The following PPP1CC variants were observed in gnomAD, a reference collection of about 807,000 sequenced individuals.
PPP1CC encodes the protein protein phosphatase 1 catalytic subunit gamma, also known as serine/threonine-protein phosphatase PP1-gamma catalytic subunit.
PPP1CC carries 16 observed loss-of-function variants against 38.4 expected under a neutral mutation model. The ratio of observed to expected loss-of-function variants is 0.42; its 90% CI spans 0.28 to 0.63. The LOEUF is 0.63. Ranked by LOEUF, PPP1CC falls within the 30% of genes least tolerant of loss-of-function variation. The pLI, the probability that PPP1CC is intolerant of heterozygous loss-of-function variation, is 0.25. For missense variants in PPP1CC, 170 were observed against 391.3 expected, an observed-to-expected ratio of 0.43 and a Z score of 4.77; for synonymous variants, 158 against 136.0, an observed-to-expected ratio of 1.16 and a Z score of -1.13.
chr12:110,709,699 C>G, the PPP1CC span, among the ~76,000 whole-genome samples: 10 of 151,750 alleles, frequency 6.6e-5, no homozygotes, highest in African/African-American at 2.4e-4. Flanking sequence ...GCTGGGATTA[C>G]AGGTGCCTGG....
At position 110,742,759 on chromosome 12, in the gene PPP1CC, C is replaced by T. The variant is rs557165544; in HGVS notation, c.-52G>A. On this transcript the variant is annotated 5_prime_UTR_variant, in exon 1 of 7. Transcript: ENST00000335007. Reference sequence around the variant, plus strand: ...AGCGGCGCCGCCGCCGGCTCGCGCCCGGGACTCACACCTCCTTTCCCACGC... The same window carrying T: ...AGCGGCGCCGCCGCCGGCTCGCGCCTGGGACTCACACCTCCTTTCCCACGC... 72 of 1,340,102 alleles carry T rather than the reference C, an allele frequency of 5.4e-5. No homozygotes were observed. The South Asian group carries it at 1.1e-3, about 21-fold the overall frequency. The allele number at this position is 1,340,102 out of a possible 1,614,324, so 83.0% of individuals were successfully genotyped here.
intron 1 of PPP1CC, among the ~76,000 whole-genome samples, chr12:110,736,820 C>T (rs1254478576): frequency 2.0e-5 from 3 of 152,208 alleles, no homozygotes; most frequent in Middle Eastern, 3.4e-3. Context: ...AAAGTATTTT[C>T]CTTGCCACAT....
chr12:110,728,292 G>T (rs1030419527), intron 3 of PPP1CC, among the ~76,000 whole-genome samples: 1 of 151,734 alleles, frequency 6.6e-6, no homozygotes, highest in African/African-American at 2.4e-5. Context: ...CCAGCTACTC[G>T]GGAGGCTGAG....
downstream of PPP1CC, among the ~76,000 whole-genome samples, chr12:110,717,843 G>T (rs866367406): frequency 5.0e-4 from 76 of 152,216 alleles, no homozygotes; most frequent in African/African-American, 1.6e-3. Flanking sequence ...CCTTGTCTCC[G>T]TGTCTCAATT....
At position 110,721,057 on chromosome 12, in the gene PPP1CC, G is replaced by C. The variant is rs1566080758; in HGVS notation, c.*19C>G. 1 of 1,606,228 alleles carries C rather than the reference G, an allele frequency of 6.2e-7. No homozygotes were observed. Among genetic ancestry groups the C allele is most frequent in the Non-Finnish European group, 8.5e-7 (1 of 1,172,970 alleles). ...TACTCTATGTTACAAGTCCCGACTAGGCAGTGTCAAAACGACATCTATTTC... is the reference window on the plus strand; with the variant it reads ...TACTCTATGTTACAAGTCCCGACTACGCAGTGTCAAAACGACATCTATTTC... On this transcript the variant is annotated 3_prime_UTR_variant, in exon 7 of 7. Coordinates refer to ENST00000335007, the MANE Select transcript of PPP1CC (RefSeq NM_002710.4).
At chr12:110,728,760 T>C (rs991800936) in intron 3 of PPP1CC, among the ~76,000 whole-genome samples, 7 of 152,290 alleles carry the variant, frequency 4.6e-5, no homozygotes, top group East Asian at 3.9e-4. Flanking sequence ...CCAGAACCCA[T>C]AGAATTTTTG....
the PPP1CC span, among the ~76,000 whole-genome samples, chr12:110,714,360 C>T: frequency 2.0e-4 from 30 of 152,034 alleles, 2 homozygotes; most frequent in African/African-American, 7.0e-4. Context: ...CTAAGCCAAG[C>T]TAGTGAGTAA....
chr12:110,723,073 G>A (rs1169412701), intron 4 of PPP1CC, among the ~76,000 whole-genome samples: 1 of 152,236 alleles, frequency 6.6e-6, no homozygotes, highest in Non-Finnish European at 1.5e-5. Context: ...AGAAGATAAG[G>A]ATGCTCAGTG....
At chr12:110,718,230 G>A (rs188759169), downstream of PPP1CC, among the ~76,000 whole-genome samples, 252 of 152,218 alleles carry the variant, frequency 1.7e-3, 1 homozygote, top group Middle Eastern at 0.01. Flanking sequence ...ACATGGGCAG[G>A]CCTAGTTTGT....
intron 2 of PPP1CC, among the ~76,000 whole-genome samples, chr12:110,731,189 T>C (rs1387773037): frequency 6.7e-6 from 1 of 148,566 alleles, no homozygotes; most frequent in African/African-American, 2.5e-5. Flanking sequence ...CATACACACA[T>C]ACACACCACC....
At chr12:110,709,932 A>AAATAATAATAAT in the PPP1CC span, among the ~76,000 whole-genome samples, 202 of 142,052 alleles carry the variant, frequency 1.4e-3, no homozygotes, top group African/African-American at 3.9e-3. Flanking sequence ...AAAAACTCCA[A>AAATAATAATAAT]AATAATAATA....
intron 1 of PPP1CC, chr12:110,733,096 T>C (rs1272874436): frequency 6.6e-6 from 1 of 152,200 alleles, no homozygotes; most frequent in Non-Finnish European, 1.5e-5. Context: ...AAAATGTTTT[T>C]TTCGTAAGTA....
chr12:110,716,402 G>C (rs909233299), downstream of PPP1CC, among the ~76,000 whole-genome samples: 1 of 151,446 alleles, frequency 6.6e-6, no homozygotes, highest in African/African-American at 2.4e-5. Flanking sequence ...GCCCAGTCTG[G>C]AGTGCAGTGG....
At position 110,742,678 on chromosome 12, in the gene PPP1CC, G is replaced by A; in HGVS notation, c.30C>T (p.Asp10=). The A allele has an allele frequency of 6.8e-7, 1 of 1,472,882 alleles. No individual in the cohort carries two copies. The highest frequency in any genetic ancestry group is 9.1e-7 in the Non-Finnish European group (1 of 1,104,714). 91.2% of individuals were successfully genotyped at this position (1,472,882 alleles called of 1,614,324 possible). A position where few individuals can be genotyped will look rare whatever the true frequency, so the allele number is the denominator to read the frequency against. MADLDKLNI[D]SIIQRLLEVR... ...CTTCCAGCAGCCGTTGGATAATGCTGTCGATGTTGAGTTTATCTAAATCCG... is the reference window on the plus strand; with the variant it reads ...CTTCCAGCAGCCGTTGGATAATGCTATCGATGTTGAGTTTATCTAAATCCG... The change falls in exon 1 of 7, where the codon GAC becomes GAT. Residue 10 remains aspartate, a synonymous_variant. Transcript: ENST00000335007.
At position 110,720,707 on chromosome 12, in the gene PPP1CC, C is replaced by G. The variant is rs1360637110; in HGVS notation, c.*369G>C. On this transcript the variant is annotated 3_prime_UTR_variant, in exon 7 of 7. Transcript: ENST00000335007. Reference sequence around the variant, plus strand: ...TACAGATTCAGAGCACCCTAGGGCTCTCTTTATGTCCTAAAGAAAATGAGC... The same window carrying G: ...TACAGATTCAGAGCACCCTAGGGCTGTCTTTATGTCCTAAAGAAAATGAGC... The G allele has an allele frequency of 4.9e-6, 1 of 202,502 alleles. No individual in the cohort carries two copies. The highest frequency in any genetic ancestry group is 1.0e-5 in the Non-Finnish European group (1 of 99,232). 12.5% of individuals were successfully genotyped at this position (202,502 alleles called of 1,614,324 possible). A position where few individuals can be genotyped will look rare whatever the true frequency, so the allele number is the denominator to read the frequency against.
chr12:110,739,401 C>T (rs572351663), intron 1 of PPP1CC, among the ~76,000 whole-genome samples: 1 of 151,936 alleles, frequency 6.6e-6, no homozygotes, highest in Non-Finnish European at 1.5e-5. Flanking sequence ...AAACCTTCCC[C>T]TTTTTAAACC....
Position 110,722,809 on chromosome 12 carries a change from G to A in PPP1CC, c.524-114C>T. On this transcript the variant is annotated intron_variant, in intron 4 of 6. Transcript: ENST00000335007. This position sits in a 1 kb window ranked among gnomAD's most constrained non-coding sequence, Gnocchi z 5.4. ...ATTCAATAATCCTGACATAAAAACT[G>A]AAATCTATGATTATATTTTATTTAC... 2.6e-6 allele frequency: 2 copies of A among 757,162 alleles called. No homozygotes were observed. Among genetic ancestry groups the A allele is most frequent in the Non-Finnish European group, 2.0e-6 (1 of 489,074 alleles). The allele number at this position is 757,162 out of a possible 1,614,324, so 46.9% of individuals were successfully genotyped here.
intron 1 of PPP1CC, among the ~76,000 whole-genome samples, chr12:110,741,750 C>A (rs1176557671): frequency 6.6e-6 from 1 of 152,170 alleles, no homozygotes; most frequent in African/African-American, 2.4e-5. Flanking sequence ...AACTGTGTGA[C>A]CTTGGTTAAG....
At chr12:110,724,635 T>C (rs1452423403) in intron 4 of PPP1CC, 25 bp downstream of exon 4, 3 of 1,440,158 alleles carry the variant, frequency 2.1e-6, no homozygotes, top group Non-Finnish European at 2.9e-6. Context: ...CAAAACCTAT[T>C]TGGAACAAAA....
Sources: gnomAD v4.1 joint callset for allele counts (sites outside exome capture counted in the v4.1 genomes callset) on GRCh38, gnomAD v4.1.1 for gene constraint, Gnocchi (gnomAD v3.1) non-coding constraint, MANE v1.5 for transcripts, NCBI Gene and HGNC (gene_info 2026-07-23, HGNC 2026-07-21) for gene names.